Variants in PTPRD observed in about 807,000 individuals in gnomAD.
PTPRD encodes the protein protein tyrosine phosphatase receptor type D, also known as receptor-type tyrosine-protein phosphatase delta.
PTPRD carries 34 observed loss-of-function variants against 214.5 expected under a neutral mutation model. That is an observed-to-expected ratio of 0.16 (90% CI 0.12 to 0.21). The LOEUF is 0.21. Ranked by LOEUF, PTPRD falls within the 10% of genes least tolerant of loss-of-function variation. The pLI, the probability that PTPRD is intolerant of heterozygous loss-of-function variation, is 1.00. For synonymous variants in PTPRD, 1,128 were observed against 845.7 expected (o/e 1.33, Z -5.79); for missense variants, 2,545 against 2,398.7 (o/e 1.06, Z -1.27).
intron 6 of PTPRD, among the ~76,000 whole-genome samples, chr9:9,756,519 AG>A (rs2098581607): frequency 6.6e-6 from 1 of 152,062 alleles, no homozygotes; most frequent in Non-Finnish European, 1.5e-5. Context: ...AGCCTCAAAG[AG>A]GGTAAGCAGA....
rs145885152 is a variant in PTPRD at position 8,926,337 on chromosome 9, C to G, written c.-104+92360G>C. ...ATCCATTGCAGTATCTTATGCTTAC[C>G]TCAATAAAAATGACAATAGGAGTAA... On this transcript the variant is annotated intron_variant, in intron 11 of 45. Coordinates refer to ENST00000381196, the MANE Select transcript of PTPRD (RefSeq NM_002839.4). Among the ~76,000 whole-genome samples, 36 of 152,110 alleles carry G rather than the reference C, an allele frequency of 2.4e-4. No homozygotes were observed. In the East Asian group the frequency reaches 6.4e-3, roughly 27 times the overall value.
intron 2 of PTPRD, among the ~76,000 whole-genome samples, chr9:10,496,973 A>G (rs1224164325): frequency 1.3e-5 from 2 of 152,024 alleles, no homozygotes; most frequent in African/African-American, 4.8e-5. Context: ...AGCCATAAAA[A>G]AGAATGGAAT....
At chr9:9,038,972 T>C (rs1384389285) in intron 10 of PTPRD, among the ~76,000 whole-genome samples, 1 of 152,136 alleles carries the variant, frequency 6.6e-6, no homozygotes, top group Non-Finnish European at 1.5e-5. Context: ...TCATGAGTAT[T>C]ACTTGTAAAT....
intron 5 of PTPRD, among the ~76,000 whole-genome samples, chr9:9,894,708 T>A (rs900779584): frequency 1.3e-5 from 2 of 152,058 alleles, no homozygotes; most frequent in South Asian, 2.1e-4. Context: ...CTAAATAATA[T>A]CTCTCTTTTT....
chr9:8,508,926 T>A (rs1016591716), intron 21 of PTPRD, among the ~76,000 whole-genome samples: 1 of 147,808 alleles, frequency 6.8e-6, no homozygotes, highest in Non-Finnish European at 1.5e-5. Context: ...TGTGTGTGTG[T>A]AAAGGAATAT....
chr9:9,325,557 T>C (rs1314713779), intron 9 of PTPRD, among the ~76,000 whole-genome samples: 1 of 152,190 alleles, frequency 6.6e-6, no homozygotes, highest in Non-Finnish European at 1.5e-5. Context: ...CCTGAGACTT[T>C]GCTGAAGTTG....
At chr9:9,208,093 C>T (rs568700172) in intron 9 of PTPRD, among the ~76,000 whole-genome samples, 2 of 131,844 alleles carry the variant, frequency 1.5e-5, no homozygotes, top group Admixed American at 9.1e-5. Context: ...GATCTCACTG[C>T]AAGCTCCGCC....
chr9:10,141,646 C>G (rs36166840), intron 3 of PTPRD, among the ~76,000 whole-genome samples: 32,326 of 150,678 alleles, frequency 0.21, 3,721 homozygotes, highest in South Asian at 0.39. Flanking sequence ...TGGGTAGGAA[C>G]AATCAATATC....
chr9:8,934,412 T>TGG (rs1318608573), intron 11 of PTPRD, among the ~76,000 whole-genome samples: 1 of 45,768 alleles, frequency 2.2e-5, no homozygotes, highest in African/African-American at 8.3e-5. Flanking sequence ...TGTGTGTGTG[T>TGG]GTGTGTGTGT....
chr9:9,036,730 T>C (rs570906736), intron 10 of PTPRD, among the ~76,000 whole-genome samples: 2 of 152,288 alleles, frequency 1.3e-5, no homozygotes, highest in East Asian at 3.9e-4. Flanking sequence ...ATTAAGATTA[T>C]ATTTAATAGT....
chr9:10,410,119 A>G lies in PTPRD; in HGVS notation c.-599-69102T>C, dbSNP rs1196153224. 1.3e-5 allele frequency among the ~76,000 whole-genome samples: 2 copies of G among 151,260 alleles called. 1 individual carries two copies. Among genetic ancestry groups the G allele is most frequent in the Non-Finnish European group, 3.0e-5 (2 of 67,750 alleles). On this transcript the variant is annotated intron_variant, in intron 2 of 45. Coordinates refer to ENST00000381196, the MANE Select transcript of PTPRD (RefSeq NM_002839.4). The stretch of plus-strand genomic sequence containing the variant: ...ATATATCAATGGATGCCATGATAGA[A>G]CAACTTTTGATTCTGTTTTCTCTTT...
chr9:9,216,538 C>G (rs752383584), intron 9 of PTPRD, among the ~76,000 whole-genome samples: 1 of 152,104 alleles, frequency 6.6e-6, no homozygotes, highest in African/African-American at 2.4e-5. Flanking sequence ...ACTACACAGC[C>G]GTCATCTTCC....
At chr9:10,611,405 A>G (rs1288858171) in intron 2 of PTPRD, among the ~76,000 whole-genome samples, 1 of 152,228 alleles carries the variant, frequency 6.6e-6, no homozygotes, top group Non-Finnish European at 1.5e-5. Flanking sequence ...CTTGTGCAAA[A>G]CAAACTGAGT....
rs181813414 is a variant in PTPRD, at chr9:8,912,668, T to C, written c.-104+106029A>G. On this transcript the variant is annotated intron_variant, in intron 11 of 45. Transcript: ENST00000381196. ...AAAGCTATTAAAATTAGAGAAAAGG[T>C]TTTACTAAAAATAAAGACAATGGAT... Among the ~76,000 whole-genome samples the C allele has an allele frequency of 2.0e-5, 3 of 152,232 alleles. No individual in the cohort carries two copies. The East Asian group carries it at 5.8e-4, about 29-fold the overall frequency.
chr9:8,768,343 A>G (rs62528809), intron 11 of PTPRD, among the ~76,000 whole-genome samples: 16,295 of 152,204 alleles, frequency 0.11, 975 homozygotes, highest in Non-Finnish European at 0.13. Context: ...TTGAGCCTAT[A>G]AGTTCAGGAC....
chr9:10,603,338 C>G (rs1237662469), intron 2 of PTPRD, among the ~76,000 whole-genome samples: 1 of 151,804 alleles, frequency 6.6e-6, no homozygotes, highest in African/African-American at 2.4e-5. Flanking sequence ...CTTTGTTCCC[C>G]TGGGCAGCAC....
chr9:8,858,790 G>T (rs1393379968), intron 11 of PTPRD, among the ~76,000 whole-genome samples: 1 of 118,512 alleles, frequency 8.4e-6, no homozygotes, highest in African/African-American at 2.8e-5. Flanking sequence ...GGTGGGTGAA[G>T]GAGGCAACAC....
intron 6 of PTPRD, among the ~76,000 whole-genome samples, chr9:9,762,051 C>G (rs775416010): frequency 6.6e-6 from 1 of 152,198 alleles, no homozygotes; most frequent in Non-Finnish European, 1.5e-5. Flanking sequence ...ACCTCCATAA[C>G]TGTAGGCCAG....
chr9:9,030,044 G>A (rs574861536), intron 10 of PTPRD, among the ~76,000 whole-genome samples: 2 of 151,954 alleles, frequency 1.3e-5, no homozygotes, highest in African/African-American at 4.8e-5. Context: ...AAATTGATCA[G>A]TCAAGAAAAT....
Sources: gnomAD v4.1 joint callset for allele counts (sites outside exome capture counted in the v4.1 genomes callset) on GRCh38, gnomAD v4.1.1 for gene constraint, MANE v1.5 for transcripts, NCBI Gene and HGNC (gene_info 2026-07-23, HGNC 2026-07-21) for gene names.